The following WDR20 variants were observed in gnomAD, a reference collection of about 807,000 sequenced individuals.
WDR20 encodes WD repeat domain 20.
A neutral mutation model predicts 38.7 loss-of-function variants in WDR20; 3 were observed. The ratio of observed to expected loss-of-function variants is 0.08; its 90% CI spans 0.04 to 0.20. The LOEUF is 0.20. WDR20 is among the 10% of genes least tolerant of loss of function. The pLI is 1.00. For synonymous variants in WDR20, 298 were observed against 285.6 expected (o/e 1.04, Z -0.44); for missense variants, 559 against 727.7 (o/e 0.77, Z 2.67).
At chr14:102,172,727 T>C (rs1228244136) in intron 1 of WDR20, among the ~76,000 whole-genome samples, 1 of 147,260 alleles carries the variant, frequency 6.8e-6, no homozygotes, top group Non-Finnish European at 1.5e-5. Flanking sequence ...CCCACCTCCC[T>C]CCCGGACGGG....
intron 1 of WDR20, among the ~76,000 whole-genome samples, chr14:102,170,660 T>C (rs1461935186): frequency 2.0e-5 from 3 of 152,022 alleles, no homozygotes; most frequent in Non-Finnish European, 2.9e-5. Context: ...AGATCTCTTT[T>C]ATGATTATTT....
intron 1 of WDR20, among the ~76,000 whole-genome samples, chr14:102,147,922 G>A (rs2054267477): frequency 6.6e-6 from 1 of 152,128 alleles, no homozygotes; most frequent in African/African-American, 2.4e-5. Flanking sequence ...GTAGAGACGG[G>A]GTTTCCCCAT....
At chr14:102,156,366 C>T (rs1016262100) in intron 1 of WDR20, among the ~76,000 whole-genome samples, 7 of 151,016 alleles carry the variant, frequency 4.6e-5, no homozygotes, top group Non-Finnish European at 7.4e-5. Flanking sequence ...GATGGGGTTT[C>T]GCCGTGTTAG....
Position 102,193,618 on chromosome 14 carries a change from G to A in WDR20, c.250-1320G>A. 3 of 1,105,510 alleles carry A rather than the reference G, an allele frequency of 2.7e-6. No individual in the cohort carries two copies. The South Asian group carries it at 5.5e-5, about 20-fold the overall frequency. 68.5% of individuals were successfully genotyped at this position (1,105,510 alleles called of 1,614,324 possible). ...CAGGTCCAGACTTCTACATGTGCAA[G>A]GTTTTGAGTTTGCTCAAAGACGCCT... On this transcript the variant is annotated intron_variant, in intron 1 of 2. Coordinates refer to ENST00000342702, the MANE Select transcript of WDR20 (RefSeq NM_144574.4).
chr14:102,185,970 C>G (rs900903571), intron 1 of WDR20, among the ~76,000 whole-genome samples: 2 of 152,132 alleles, frequency 1.3e-5, no homozygotes, highest in Admixed American at 1.3e-4. Flanking sequence ...GCCAGGCCCT[C>G]TATTAGATGT....
downstream of WDR20, among the ~76,000 whole-genome samples, chr14:102,217,593 C>T (rs890470552): frequency 2.7e-5 from 4 of 147,662 alleles, no homozygotes; most frequent in African/African-American, 9.8e-5. Flanking sequence ...AGAGATGGGT[C>T]CCGACGTCCC....
rs2152968783 is a variant in WDR20, at chr14:102,200,427, C to T, written c.432+5307C>T. Among the ~76,000 whole-genome samples the T allele has an allele frequency of 1.3e-5, 2 of 151,158 alleles. 1 individual carries two copies. Among genetic ancestry groups the T allele is most frequent in the Middle Eastern group, 6.9e-3 (2 of 290 alleles). ...ACATTCAGCTCACTGTGGTGAAGCACCCCACAGGGGCGAGGAGTTTACTTT... is the reference window on the plus strand; with the variant it reads ...ACATTCAGCTCACTGTGGTGAAGCATCCCACAGGGGCGAGGAGTTTACTTT... On this transcript the variant is annotated intron_variant, in intron 2 of 2. Transcript: ENST00000342702.
At position 102,222,243 on chromosome 14, in the gene WDR20, C is replaced by T. The variant is rs530137500; in HGVS notation, c.1693-587C>T. ...GGCAAGACTACTTTGTTCTGGGGCT[C>T]CCCCGACCTCGGCCTGGGCCCTGCT... is the stretch of plus-strand genomic sequence containing the variant. On this transcript the variant is annotated intron_variant, in intron 3 of 3. Coordinates refer to the WDR20 transcript ENST00000335263. The surrounding 1 kb of genome is among the most constrained non-coding windows in gnomAD (Gnocchi z 4.4). Among the ~76,000 whole-genome samples the T allele has an allele frequency of 4.6e-5, 7 of 152,310 alleles. No homozygotes were observed. The East Asian group carries it at 5.8e-4, about 13-fold the overall frequency.
chr14:102,193,585 T>C (rs1442236896), intron 1 of WDR20: 4 of 1,497,186 alleles, frequency 2.7e-6, no homozygotes, highest in Non-Finnish European at 3.7e-6. Context: ...GAACTACTTG[T>C]TACCGCTCAG....
chr14:102,189,804 AATTTT>A lies in WDR20; in HGVS notation c.250-5127_250-5123del, dbSNP rs573140916. On this transcript the variant is annotated intron_variant, in intron 1 of 2. Transcript: ENST00000342702. ...TTCTCCTTAAAAGAGTTTTTATTATAATTTTATTTTAATTGATTATAACAGACATA... is the reference window on the plus strand; with the variant it reads ...TTCTCCTTAAAAGAGTTTTTATTATAATTTTAATTGATTATAACAGACATA... Among the ~76,000 whole-genome samples, 223 of 152,352 alleles carry A rather than the reference AATTTT, an allele frequency of 1.5e-3. 2 individuals are homozygous for A. Among genetic ancestry groups the A allele is most frequent in the African/African-American group, 5.1e-3 (212 of 41,578 alleles).
rs375673951 is a variant in WDR20, at chr14:102,191,190, A to G, written c.250-3748A>G. 5.9e-5 allele frequency: 9 copies of G among 152,134 alleles called. No homozygotes were observed. In the East Asian group the frequency reaches 1.7e-3, roughly 29 times the overall value. 9.4% of individuals were successfully genotyped at this position (152,134 alleles called of 1,614,324 possible). On this transcript the variant is annotated intron_variant, in intron 1 of 2. Coordinates refer to ENST00000342702, the MANE Select transcript of WDR20 (RefSeq NM_144574.4). ...CTCCTATTAGTGAGAGGAAACTTGC[A>G]CTTTGCCCAAGGCCACTTGGCTACC...
chr14:102,164,572 A>G (rs1352388261), intron 1 of WDR20, among the ~76,000 whole-genome samples: 3 of 152,130 alleles, frequency 2.0e-5, no homozygotes, highest in Non-Finnish European at 2.9e-5. Context: ...TGATGACTCA[A>G]CTTCATGTTG....
intron 1 of WDR20, among the ~76,000 whole-genome samples, chr14:102,173,912 C>T (rs1370319425): frequency 1.1e-4 from 16 of 152,022 alleles, no homozygotes; most frequent in Non-Finnish European, 1.3e-4. Flanking sequence ...GGCGTGGTGG[C>T]GGGCGCCTGT....
intron 1 of WDR20, among the ~76,000 whole-genome samples, chr14:102,173,936 C>T (rs1013126434): frequency 2.6e-5 from 4 of 151,162 alleles, no homozygotes; most frequent in Admixed American, 6.6e-5. Context: ...CTCAGCTACT[C>T]GGGAGGCTGA....
intron 2 of WDR20, among the ~76,000 whole-genome samples, chr14:102,200,467 T>TTTGTGTGTGTGTG (rs748066838): frequency 1.3e-4 from 15 of 117,682 alleles, no homozygotes; most frequent in African/African-American, 4.7e-4. Context: ...ATTTTTTTTT[T>TTTGTGTGTGTGTG]TGTGTGTGTG....
At position 102,207,183 on chromosome 14, in the gene WDR20, A is replaced by G. The variant is rs1252456871; in HGVS notation, c.433-1420A>G. ...GACACCTGCTGCTGAGTAACTGCCC[A>G]ATGCATGGTCCCCAGCCCTGGGCCC... is the stretch of plus-strand genomic sequence containing the variant. On this transcript the variant is annotated intron_variant, in intron 2 of 2. Coordinates refer to ENST00000342702, the MANE Select transcript of WDR20 (RefSeq NM_144574.4). The surrounding 1 kb of genome is among the most constrained non-coding windows in gnomAD (Gnocchi z 5.0). 1.3e-5 allele frequency among the ~76,000 whole-genome samples: 2 copies of G among 152,182 alleles called. No individual in the cohort carries two copies. The highest frequency in any genetic ancestry group is 4.8e-5 in the African/African-American group (2 of 41,464).
At chr14:102,160,722 C>T (rs1333006230) in intron 1 of WDR20, among the ~76,000 whole-genome samples, 2 of 151,550 alleles carry the variant, frequency 1.3e-5, no homozygotes, top group Non-Finnish European at 2.9e-5. Flanking sequence ...GCAGGTGGAT[C>T]ACAAGGTCAG....
Position 102,220,061 on chromosome 14 carries a change from G to A in WDR20, c.1693-2769G>A, listed in dbSNP as rs2063713555. Among the ~76,000 whole-genome samples the A allele has an allele frequency of 6.6e-6, 1 of 152,256 alleles. No individual in the cohort carries two copies. The highest frequency in any genetic ancestry group is 1.5e-5 in the Non-Finnish European group (1 of 68,044). On this transcript the variant is annotated intron_variant, in intron 3 of 3. Coordinates refer to the WDR20 transcript ENST00000335263. The surrounding 1 kb of genome is among the most constrained non-coding windows in gnomAD (Gnocchi z 4.2). ...ATAGGAAGCCTGCAGCCCTCGCGTTGGGTCGCTTTCTAGGGGTGCGGCTTT... is the reference window on the plus strand; with the variant it reads ...ATAGGAAGCCTGCAGCCCTCGCGTTAGGTCGCTTTCTAGGGGTGCGGCTTT...
chr14:102,139,610 C>T (rs1595694857), upstream of WDR20: 2 of 663,720 alleles, frequency 3.0e-6, no homozygotes, highest in Admixed American at 2.9e-5. Context: ...CTGGCGGCTG[C>T]GGAACGGTCA....
Sources: allele counts gnomAD v4.1 joint callset (sites outside exome capture counted in the v4.1 genomes callset), GRCh38; gene constraint gnomAD v4.1.1; non-coding constraint Gnocchi (gnomAD v3.1); transcripts MANE v1.5; gene names NCBI Gene and HGNC (gene_info 2026-07-23, HGNC 2026-07-21).